NRDE2: variants seen among roughly 807,000 people sequenced by gnomAD.
The protein encoded by NRDE2 is NRDE-2, necessary for RNA interference, domain containing.
Under a neutral mutation model 124.2 loss-of-function variants are expected in NRDE2, and 76 were observed. That is an observed-to-expected ratio of 0.61 (90% CI 0.51 to 0.74). NRDE2 has a LOEUF of 0.74. Among genes scored for constraint, NRDE2 ranks in the 30% least tolerant of loss-of-function variants. The pLI, the probability that NRDE2 is intolerant of heterozygous loss-of-function variation, is 0.00. For synonymous variants in NRDE2, 489 were observed against 528.1 expected (o/e 0.93, Z 1.01); for missense variants, 1,314 against 1,417.3 (o/e 0.93, Z 1.17).
At chr14:90,299,821 A>T (rs1242431105) in intron 7 of NRDE2, among the ~76,000 whole-genome samples, 1 of 152,252 alleles carries the variant, frequency 6.6e-6, no homozygotes, top group African/African-American at 2.4e-5. Context: ...AATTTTTTTT[A>T]AATAGTGTGA....
At position 90,303,116 on chromosome 14, in the gene NRDE2, T is replaced by A; in HGVS notation, c.1015A>T (p.Met339Leu). The part of the protein sequence containing the change: ...MAFVAFQDEV[M>L]KSPGLYAIEE... ...ATGGCATACAGGCCAGGACTTTTCA[T>A]GACCTCGTCCTCAACAACAAAAACA... The change falls in exon 6 of 14, where the codon ATG (methionine) becomes TTG (leucine). Residue 339 changes from methionine to leucine, a missense_variant. Physicochemically the swap from Met to Leu is conservative, Grantham distance 15. Coordinates refer to ENST00000354366, the MANE Select transcript of NRDE2 (RefSeq NM_017970.4). 5 of 1,612,646 alleles carry A rather than the reference T, an allele frequency of 3.1e-6. No homozygotes were observed. The highest frequency in any genetic ancestry group is 2.2e-5 in the East Asian group (1 of 44,856).
At chr14:90,318,517 C>T (rs543863248) in intron 1 of NRDE2, among the ~76,000 whole-genome samples, 78 of 152,198 alleles carry the variant, frequency 5.1e-4, no homozygotes, top group Non-Finnish European at 9.1e-4. Context: ...AAGATCAAAT[C>T]GGCTGGGTAT....
At chr14:90,293,343 C>T (rs1206058443) in intron 8 of NRDE2, among the ~76,000 whole-genome samples, 1 of 152,062 alleles carries the variant, frequency 6.6e-6, no homozygotes, top group Non-Finnish European at 1.5e-5. Context: ...CTCCGCCTCC[C>T]AGGTTCAAGC....
chr14:90,319,367 A>T (rs11845372), intron 1 of NRDE2, among the ~76,000 whole-genome samples: 9,903 of 152,248 alleles, frequency 0.065, 358 homozygotes, highest in African/African-American at 0.097. Flanking sequence ...TTAGTCATGT[A>T]CAATTTAACA....
intron 4 of NRDE2, among the ~76,000 whole-genome samples, chr14:90,310,240 A>G (rs2139699016): frequency 6.6e-6 from 1 of 152,254 alleles, no homozygotes; most frequent in Admixed American, 6.5e-5. Context: ...GTCCTACCAC[A>G]CACCCTGTCT....
intron 4 of NRDE2, among the ~76,000 whole-genome samples, chr14:90,304,921 T>A (rs1884543788): frequency 6.6e-6 from 1 of 152,176 alleles, no homozygotes; most frequent in African/African-American, 2.4e-5. Context: ...GAAATTACAT[T>A]TGGTTATTTT....
chr14:90,309,152 C>A (rs917869567), intron 4 of NRDE2, among the ~76,000 whole-genome samples: 9 of 151,622 alleles, frequency 5.9e-5, no homozygotes, highest in Admixed American at 2.6e-4. Flanking sequence ...TTGGGTCGCA[C>A]GCATTGGCCC....
intron 8 of NRDE2, among the ~76,000 whole-genome samples, chr14:90,296,236 G>A (rs1566688829): frequency 6.6e-6 from 1 of 152,208 alleles, no homozygotes; most frequent in East Asian, 1.9e-4. Context: ...AGAGAGGAGA[G>A]TTACTAATCA....
chr14:90,280,819 C>A (rs1220290395), intron 12 of NRDE2: 1 of 152,330 alleles, frequency 6.6e-6, no homozygotes, highest in Non-Finnish European at 1.5e-5. Flanking sequence ...AGGACTGAAA[C>A]ATAACAGGGG....
In NRDE2 at chr14:90,269,326, T is replaced by G; in HGVS notation, c.*9010A>C. Reference sequence around the variant, plus strand: ...GTTAAGGTGTTTTGTCACAATGAGGTCTTTGCTGTAATTCCCCTTGAGCAG... The same window carrying G: ...GTTAAGGTGTTTTGTCACAATGAGGGCTTTGCTGTAATTCCCCTTGAGCAG... On this transcript the variant is annotated 3_prime_UTR_variant, in exon 14 of 14. Transcript: ENST00000354366. The G allele has an allele frequency of 4.5e-6, 6 of 1,341,428 alleles. No homozygotes were observed. The South Asian group carries it at 8.1e-5, about 18-fold the overall frequency. The allele number at this position is 1,341,428 out of a possible 1,614,324, so 83.1% of individuals were successfully genotyped here.
At chr14:90,307,451 C>CGTG (rs143158429) in intron 4 of NRDE2, among the ~76,000 whole-genome samples, 45,566 of 151,930 alleles carry the variant, frequency 0.3, 6,890 homozygotes, top group South Asian at 0.37. Context: ...AACGGCCAGG[C>CGTG]GTGGTGGCTC....
chr14:90,325,575 G>C (rs1347513714), intron 1 of NRDE2, among the ~76,000 whole-genome samples: 1 of 152,092 alleles, frequency 6.6e-6, no homozygotes, highest in Non-Finnish European at 1.5e-5. Flanking sequence ...AGCCAGGCTG[G>C]AGTGCAGTGG....
chr14:90,288,092 G>T, intron 11 of NRDE2, 125 bp downstream of exon 11: 2 of 828,334 alleles, frequency 2.4e-6, no homozygotes, highest in Non-Finnish European at 3.8e-6. Flanking sequence ...ACAGCCCCAC[G>T]GCAGGTGTTC....
At chr14:90,316,488 T>C in intron 3 of NRDE2, 90 bp downstream of exon 3, 1 of 891,628 alleles carries the variant, frequency 1.1e-6, no homozygotes, top group East Asian at 2.4e-5. Flanking sequence ...AGTGACTAAA[T>C]GGTTATTCAA....
intron 8 of NRDE2, among the ~76,000 whole-genome samples, chr14:90,296,231 G>C (rs940033817): frequency 2.6e-5 from 4 of 152,176 alleles, no homozygotes; most frequent in African/African-American, 9.7e-5. Context: ...CACTCAGAGA[G>C]GAGAGTTACT....
intron 4 of NRDE2, among the ~76,000 whole-genome samples, chr14:90,311,944 T>A (rs1268773221): frequency 6.6e-6 from 1 of 152,234 alleles, no homozygotes; most frequent in Admixed American, 6.5e-5. Context: ...TTTATGATTA[T>A]CTGATGGTGT....
At chr14:90,320,161 T>G (rs147362194) in intron 1 of NRDE2, among the ~76,000 whole-genome samples, 1 of 152,334 alleles carries the variant, frequency 6.6e-6, no homozygotes, top group Non-Finnish European at 1.5e-5. Flanking sequence ...CTTAAGTAAC[T>G]GTATTAGTCC....
chr14:90,274,817 CACACACACACACACACA>C lies in NRDE2; in HGVS notation c.*3502_*3518del, dbSNP rs1891762572. ...ACACACACACACACACACACACACA[CACACACACACACACACA>C]CACACCCCAATACATATGAATTGAT... On this transcript the variant is annotated 3_prime_UTR_variant, in exon 14 of 14. Transcript: ENST00000354366. The C allele has an allele frequency of 1.2e-5, 1 of 84,438 alleles. No homozygotes were observed. The highest frequency in any genetic ancestry group is 1.2e-4 in the Admixed American group (1 of 8,220). The allele number at this position is 84,438 out of a possible 1,614,324, so 5.2% of individuals were successfully genotyped here.
chr14:90,311,003 T>C (rs1884815427), intron 4 of NRDE2, among the ~76,000 whole-genome samples: 2 of 152,226 alleles, frequency 1.3e-5, no homozygotes, highest in Admixed American at 6.5e-5. Flanking sequence ...ATAAAACAAC[T>C]GTTATTAACT....
Sources: gnomAD v4.1 joint callset for allele counts (sites outside exome capture counted in the v4.1 genomes callset) on GRCh38, gnomAD v4.1.1 for gene constraint, MANE v1.5 for transcripts, NCBI Gene and HGNC (gene_info 2026-07-23, HGNC 2026-07-21) for gene names.